Variants in PTPN9 observed in about 807,000 individuals in gnomAD.
PTPN9 encodes the protein protein tyrosine phosphatase non-receptor type 9, also known as tyrosine-protein phosphatase non-receptor type 9.
A neutral mutation model predicts 69.8 loss-of-function variants in PTPN9; 26 were observed. The observed-to-expected ratio is 0.37, with a 90% confidence interval of 0.27 to 0.52. The LOEUF (loss-of-function observed/expected upper bound fraction) is 0.52. Ranked by LOEUF, PTPN9 falls within the 20% of genes least tolerant of loss-of-function variation. The pLI is 0.91. For missense variants in PTPN9, 549 were observed against 740.3 expected, an observed-to-expected ratio of 0.74 and a Z score of 3.00; for synonymous variants, 274 against 272.5, an observed-to-expected ratio of 1.01 and a Z score of -0.05.
At position 75,464,480 on chromosome 15, in the gene PTPN9, T is replaced by G. The variant is rs1184570725; in HGVS notation, c.*4289A>C. 6.6e-6 allele frequency: 1 copy of G among 151,870 alleles called. No individual in the cohort carries two copies. The highest frequency in any genetic ancestry group is 6.6e-5 in the Admixed American group (1 of 15,184). 9.4% of individuals were successfully genotyped at this position (151,870 alleles called of 1,614,324 possible). A position where few individuals can be genotyped will look rare whatever the true frequency, so the allele number is the denominator to read the frequency against. On this transcript the variant is annotated 3_prime_UTR_variant, in exon 13 of 13. Transcript: ENST00000618819. ...AAGTAAAGGCCTAATAGCTCCTCTA[T>G]GGGTGTTTGCACTGTCTAACAAAGA...
intron 1 of PTPN9, among the ~76,000 whole-genome samples, chr15:75,568,056 G>GA (rs1035104239): frequency 3.3e-5 from 5 of 151,220 alleles, no homozygotes; most frequent in Non-Finnish European, 7.4e-5. Context: ...AAATTAAAGA[G>GA]AAAAATCATC....
At chr15:75,539,190 G>A (rs1253963357) in intron 1 of PTPN9, among the ~76,000 whole-genome samples, 5 of 152,048 alleles carry the variant, frequency 3.3e-5, no homozygotes, top group African/African-American at 9.7e-5. Flanking sequence ...CTCATGATCC[G>A]CCCGCCTTGG....
At chr15:75,493,292 T>C (rs1172795285) in intron 7 of PTPN9, among the ~76,000 whole-genome samples, 3 of 150,506 alleles carry the variant, frequency 2.0e-5, no homozygotes, top group Admixed American at 6.6e-5. Flanking sequence ...AAAGAGAAAA[T>C]AGATGATACA....
chr15:75,542,190 CT>C lies in PTPN9; in HGVS notation c.64-14930del, dbSNP rs1429427564. Among the ~76,000 whole-genome samples the C allele has an allele frequency of 5.9e-5, 9 of 152,188 alleles. No homozygotes were observed. In the East Asian group the frequency reaches 1.7e-3, roughly 29 times the overall value. Reference sequence around the variant, plus strand: ...CAATGAGTTTACAAACATTTTCTTCCTTTAAAAGATAACCCATATTATCAGG... The same window carrying C: ...CAATGAGTTTACAAACATTTTCTTCCTTAAAAGATAACCCATATTATCAGG... On this transcript the variant is annotated intron_variant, in intron 1 of 12. Transcript: ENST00000618819.
At chr15:75,523,564 A>G (rs1388753132) in intron 3 of PTPN9, among the ~76,000 whole-genome samples, 1 of 152,204 alleles carries the variant, frequency 6.6e-6, no homozygotes, top group Non-Finnish European at 1.5e-5. Flanking sequence ...AAAAGAAACA[A>G]GCAGCAGGAG....
At chr15:75,545,050 G>GTTA (rs2075026228) in intron 1 of PTPN9, among the ~76,000 whole-genome samples, 1 of 152,148 alleles carries the variant, frequency 6.6e-6, no homozygotes, top group Non-Finnish European at 1.5e-5. Context: ...TATAAAGCAT[G>GTTA]TTATTGTCTA....
chr15:75,484,201 A>G (rs766072371), intron 8 of PTPN9, among the ~76,000 whole-genome samples: 4 of 152,226 alleles, frequency 2.6e-5, no homozygotes, highest in Non-Finnish European at 5.9e-5. Context: ...AGTCTGCCAG[A>G]GTGAACTATA....
chr15:75,473,964 T>C (rs1595945319), intron 9 of PTPN9, among the ~76,000 whole-genome samples, 197 bp from the exon 10 acceptor site: 1 of 152,150 alleles, frequency 6.6e-6, no homozygotes, highest in African/African-American at 2.4e-5. Flanking sequence ...GTAAGAAACA[T>C]GAATCTGCAT....
At chr15:75,488,749 A>G (rs950702710) in intron 8 of PTPN9, among the ~76,000 whole-genome samples, 3 of 152,166 alleles carry the variant, frequency 2.0e-5, no homozygotes, top group African/African-American at 7.2e-5. Context: ...AGCTACGATC[A>G]AGTCACTGCA....
At chr15:75,473,377 G>A (rs2074578996) in intron 10 of PTPN9, among the ~76,000 whole-genome samples, 1 of 152,062 alleles carries the variant, frequency 6.6e-6, no homozygotes, top group South Asian at 2.1e-4. Context: ...AGCCTCCCAA[G>A]TAGCTGGGAT....
chr15:75,465,063 C>T lies in PTPN9; in HGVS notation c.*3706G>A, dbSNP rs920484230. The T allele has an allele frequency of 2.6e-5, 4 of 152,182 alleles. No individual in the cohort carries two copies. Among genetic ancestry groups the T allele is most frequent in the Admixed American group, 6.5e-5 (1 of 15,268 alleles). 9.4% of individuals were successfully genotyped at this position (152,182 alleles called of 1,614,324 possible). A position where few individuals can be genotyped will look rare whatever the true frequency, so the allele number is the denominator to read the frequency against. The stretch of plus-strand genomic sequence containing the variant: ...AATCAGAAGCAGAAGCCTGCTTTAG[C>T]TCAGTGTTTTCTTCTTTCCTGAACA... On this transcript the variant is annotated 3_prime_UTR_variant, in exon 13 of 13. Coordinates refer to ENST00000618819, the MANE Select transcript of PTPN9 (RefSeq NM_002833.4).
chr15:75,559,426 G>T (rs1303803602), intron 1 of PTPN9, among the ~76,000 whole-genome samples: 1 of 152,132 alleles, frequency 6.6e-6, no homozygotes, highest in Non-Finnish European at 1.5e-5. Context: ...TTCTGTGCTG[G>T]GAGGAATTCT....
intron 1 of PTPN9, among the ~76,000 whole-genome samples, chr15:75,574,478 G>A (rs947076162): frequency 1.7e-4 from 26 of 152,130 alleles, no homozygotes; most frequent in African/African-American, 6.3e-4. Flanking sequence ...CGAATAGGGT[G>A]ATGGCAGTGA....
intron 1 of PTPN9, among the ~76,000 whole-genome samples, chr15:75,568,801 C>T (rs1355648109): frequency 6.6e-6 from 1 of 151,644 alleles, no homozygotes; most frequent in Non-Finnish European, 1.5e-5. Context: ...CAAGCCACTG[C>T]ACTTCAGCCT....
chr15:75,492,943 C>G (rs1055777852), intron 7 of PTPN9, among the ~76,000 whole-genome samples: 1 of 151,992 alleles, frequency 6.6e-6, no homozygotes, highest in African/African-American at 2.4e-5. Flanking sequence ...CACTTGAGCT[C>G]AGGAGTTCAA....
chr15:75,490,632 C>G (rs540345859), intron 7 of PTPN9, among the ~76,000 whole-genome samples: 66 of 149,494 alleles, frequency 4.4e-4, no homozygotes, highest in South Asian at 1.3e-3. Flanking sequence ...GAGCTTATCT[C>G]TTTTTTTTTT....
chr15:75,551,323 C>T (rs769071989), intron 1 of PTPN9, among the ~76,000 whole-genome samples: 4 of 152,094 alleles, frequency 2.6e-5, no homozygotes, highest in African/African-American at 9.7e-5. Context: ...ATGATACAAC[C>T]AAGATTGCAA....
At chr15:75,578,643 C>T in intron 1 of PTPN9, 71 bp downstream of exon 1, 9 of 1,200,642 alleles carry the variant, frequency 7.5e-6, no homozygotes, top group Non-Finnish European at 9.5e-6. Context: ...AGCCGGCACT[C>T]GGGAGGCAGA....
rs1264325066 is a variant in PTPN9 at position 75,477,793 on chromosome 15, A to ATAGATTTTT, written c.1129+2046_1129+2054dup. 1.8e-4 allele frequency among the ~76,000 whole-genome samples: 28 copies of ATAGATTTTT among 151,494 alleles called. 1 individual carries two copies. The highest frequency in any genetic ancestry group is 6.3e-4 in the African/African-American group (26 of 41,216). ...CAATTGTCTCAATAGTTTGTCTTCA[A>ATAGATTTTT]TAGATTTTTTTCTCCCAGTTGAGGA... is the stretch of plus-strand genomic sequence containing the variant. On this transcript the variant is annotated intron_variant, in intron 9 of 12. Coordinates refer to ENST00000618819, the MANE Select transcript of PTPN9 (RefSeq NM_002833.4).
Sources: gnomAD v4.1 joint callset for allele counts (sites outside exome capture counted in the v4.1 genomes callset) on GRCh38, gnomAD v4.1.1 for gene constraint, MANE v1.5 for transcripts, NCBI Gene and HGNC (gene_info 2026-07-23, HGNC 2026-07-21) for gene names.